Variants in CFHR2 observed in about 807,000 individuals in gnomAD.
CFHR2 encodes the protein complement factor H related 2, also known as complement factor H-related protein 2.
In CFHR2, 22 loss-of-function variants were observed where a neutral mutation model predicts 21.7. The ratio of observed to expected loss-of-function variants is 1.01; its 90% confidence interval spans 0.72 to 1.45. CFHR2 has a LOEUF of 1.45. CFHR2 is among the 40% of genes most tolerant of loss of function. The probability of loss-of-function intolerance (pLI) is 0.00; values close to 1 mark genes in which losing one functional copy is unlikely to be tolerated. For missense variants in CFHR2, 294 were observed against 293.3 expected, an observed-to-expected ratio of 1.00 and a Z score of -0.02; for synonymous variants, 98 against 97.4, an observed-to-expected ratio of 1.01 and a Z score of -0.04.
intron 2 of CFHR2, among the ~76,000 whole-genome samples, chr1:196,949,987 TTC>T (rs1298922756): frequency 6.6e-6 from 1 of 152,238 alleles, no homozygotes; most frequent in East Asian, 1.9e-4. Flanking sequence ...TTTATACATA[TTC>T]TGTTTTGAAT....
In CFHR2 at chr1:196,957,950, C is replaced by T; in HGVS notation, c.490C>T (p.Leu164=). 1 of 1,613,624 alleles carries T rather than the reference C, an allele frequency of 6.2e-7. No homozygotes were observed. Among genetic ancestry groups the T allele is most frequent in the African/African-American group, 1.3e-5 (1 of 74,998 alleles). ...PIDNGDITSF[L]LSVYAPGSSV... is the part of the protein sequence containing the mutation. ...TGACAATGGAGACATTACTTCATTC[C>T]TGTTGTCAGTATATGCTCCAGGTTC... is the stretch of plus-strand genomic sequence containing the variant. The change falls in exon 4 of 5, where the codon CTG becomes TTG. Residue 164 remains leucine (L), a synonymous_variant. Transcript: ENST00000367415.
At chr1:196,951,607 T>A (rs1388576134) in intron 3 of CFHR2, among the ~76,000 whole-genome samples, 3 of 152,070 alleles carry the variant, frequency 2.0e-5, no homozygotes, top group African/African-American at 7.2e-5. Context: ...TCTTTATAGC[T>A]CCTCAGTAAT....
chr1:196,958,854 T>C, intron 4 of CFHR2, 27 bp from the exon 5 acceptor site: 4 of 1,444,500 alleles, frequency 2.8e-6, no homozygotes, highest in Non-Finnish European at 3.9e-6. Context: ...TACTTAATGT[T>C]TTATGTTCAT....
chr1:196,958,871 C>T lies in CFHR2; in HGVS notation c.614-10C>T. 6.6e-7 allele frequency: 1 copy of T among 1,521,966 alleles called. No individual in the cohort carries two copies. The highest frequency in any genetic ancestry group is 9.1e-7 in the Non-Finnish European group (1 of 1,104,618). The allele number at this position is 1,521,966 out of a possible 1,614,324, so 94.3% of individuals were successfully genotyped here. A position where few individuals can be genotyped will look rare whatever the true frequency, so the allele number is the denominator to read the frequency against. On this transcript the variant is annotated splice_polypyrimidine_tract_variant and intron_variant, in intron 4 of 4. Transcript: ENST00000367415. Reference sequence around the variant, plus strand: ...CTTAATGTTTTATGTTCATTTTTTTCTACTTTCAGATCCATGTGTAATATC... The same window carrying T: ...CTTAATGTTTTATGTTCATTTTTTTTTACTTTCAGATCCATGTGTAATATC...
At chr1:196,954,747 C>T (rs188733518) in intron 3 of CFHR2, among the ~76,000 whole-genome samples, 16 of 152,298 alleles carry the variant, frequency 1.1e-4, no homozygotes, top group Admixed American at 3.3e-4. Flanking sequence ...TGCCAAAGTT[C>T]GAGGTTTGCA....
intron 1 of CFHR2, among the ~76,000 whole-genome samples, chr1:196,946,009 C>T (rs560259796): frequency 6.6e-6 from 1 of 151,804 alleles, no homozygotes; most frequent in Non-Finnish European, 1.5e-5. Flanking sequence ...ATACTGTGGG[C>T]AACTGTAGCA....
chr1:196,958,133 C>T, intron 4 of CFHR2, 60 bp downstream of exon 4: 1 of 1,510,246 alleles, frequency 6.6e-7, no homozygotes, highest in Non-Finnish European at 9.2e-7. Flanking sequence ...TCTGATATTT[C>T]ACTGTTTGTA....
chr1:196,947,368 C>G (rs1047068218), intron 1 of CFHR2, among the ~76,000 whole-genome samples: 1 of 151,968 alleles, frequency 6.6e-6, no homozygotes, highest in Non-Finnish European at 1.5e-5. Context: ...GTGATGAAAA[C>G]CAAGTTATTC....
At chr1:196,956,775 C>T (rs1289810600) in intron 3 of CFHR2, among the ~76,000 whole-genome samples, 1 of 150,880 alleles carries the variant, frequency 6.6e-6, no homozygotes, top group Non-Finnish European at 1.5e-5. Flanking sequence ...TTGTCTTTTC[C>T]CTTTTGAGAG....
rs1345006527 is a variant in CFHR2 at position 196,958,971 on chromosome 1, A to G, written c.704A>G (p.Asp235Gly). The G allele has an allele frequency of 6.2e-7, 1 of 1,609,468 alleles. No individual in the cohort carries two copies. The highest frequency in any genetic ancestry group is 1.3e-5 in the African/African-American group (1 of 74,960). Residue 235 changes from aspartate to glycine, a missense_variant, in exon 5 of 5, where the codon GAC becomes GGC. Transcript: ENST00000367415. The part of the protein sequence containing the change: ...NQQKLYSRTG[D>G]IVEFVCKSGY... ...CAAAAGCTTTATTCAAGAACAGGTG[A>G]CATAGTTGAATTTGTTTGTAAATCT... is the stretch of plus-strand genomic sequence containing the variant.
chr1:196,952,851 C>T (rs1652672904), intron 3 of CFHR2, among the ~76,000 whole-genome samples: 1 of 152,170 alleles, frequency 6.6e-6, no homozygotes, highest in African/African-American at 2.4e-5. Flanking sequence ...TGACAAAGAA[C>T]ACATCTTTTT....
intron 3 of CFHR2, among the ~76,000 whole-genome samples, chr1:196,953,851 G>C (rs1276682897): frequency 6.6e-6 from 1 of 151,942 alleles, no homozygotes; most frequent in Non-Finnish European, 1.5e-5. Context: ...GTGTATACTT[G>C]ATTTATTTGG....
In CFHR2 at chr1:196,949,299, T is replaced by C. The variant is rs1352759539; in HGVS notation, c.59-156T>C. The C allele has an allele frequency of 7.5e-6, 5 of 664,440 alleles. No individual in the cohort carries two copies. In the East Asian group the frequency reaches 1.1e-4, roughly 15 times the overall value. The allele number at this position is 664,440 out of a possible 1,614,324, so 41.2% of individuals were successfully genotyped here. A position where few individuals can be genotyped will look rare whatever the true frequency, so the allele number is the denominator to read the frequency against. ...ACTCGTGTACTCTTAGTTAGTGATG[T>C]CTTTTCATTCCTAATTTGGACACTG... On this transcript the variant is annotated intron_variant, in intron 1 of 4. Transcript: ENST00000367415.
At chr1:196,946,307 T>C (rs1481753374) in intron 1 of CFHR2, among the ~76,000 whole-genome samples, 2 of 152,232 alleles carry the variant, frequency 1.3e-5, no homozygotes, top group African/African-American at 4.8e-5. Context: ...TTTGGTTACA[T>C]GGATAAGTTC....
chr1:196,951,568 A>G (rs918473278), intron 3 of CFHR2, among the ~76,000 whole-genome samples: 2 of 152,164 alleles, frequency 1.3e-5, no homozygotes, highest in Non-Finnish European at 2.9e-5. Context: ...GGCACCTCCC[A>G]GTCCTGTGTG....
chr1:196,953,554 G>A (rs1376035661), intron 3 of CFHR2, among the ~76,000 whole-genome samples: 8 of 152,176 alleles, frequency 5.3e-5, no homozygotes, highest in South Asian at 2.1e-4. Context: ...AAGTGCTGAC[G>A]TAACAGTCAT....
Position 196,947,812 on chromosome 1 carries a change from C to T in CFHR2, c.59-1643C>T, listed in dbSNP as rs111323113. On this transcript the variant is annotated intron_variant, in intron 1 of 4. Coordinates refer to ENST00000367415, the MANE Select transcript of CFHR2 (RefSeq NM_005666.4). ...TACTCAAAGATAAAGTATATCAAAC[C>T]CATGGAATGTACAACATCAAGAGTG... 8.6e-5 allele frequency among the ~76,000 whole-genome samples: 13 copies of T among 151,778 alleles called. No individual in the cohort carries two copies. In the South Asian group the frequency reaches 1.0e-3, roughly 12 times the overall value.
intron 1 of CFHR2, 144 bp from the exon 2 acceptor site, chr1:196,949,311 T>C: frequency 1.4e-6 from 1 of 732,206 alleles, no homozygotes; most frequent in Non-Finnish European, 2.2e-6. Context: ...TTTTCATTCC[T>C]AATTTGGACA....
At chr1:196,948,826 T>A (rs1376783783) in intron 1 of CFHR2, among the ~76,000 whole-genome samples, 3 of 152,136 alleles carry the variant, frequency 2.0e-5, no homozygotes, top group African/African-American at 7.2e-5. Context: ...CAATACATAT[T>A]TGTATATACA....
Sources: allele counts gnomAD v4.1 joint callset (sites outside exome capture counted in the v4.1 genomes callset), GRCh38; gene constraint gnomAD v4.1.1; transcripts MANE v1.5; gene names NCBI Gene and HGNC (gene_info 2026-07-23, HGNC 2026-07-21).